The following OTUD7B variants were observed in gnomAD, a reference collection of about 807,000 sequenced individuals.
OTUD7B encodes the protein OTU deubiquitinase 7B, also known as OTU domain-containing protein 7B.
Under a neutral mutation model 82.2 loss-of-function variants are expected in OTUD7B, and 34 were observed. The ratio of observed to expected loss-of-function variants is 0.41; its 90% CI spans 0.31 to 0.55. OTUD7B has a LOEUF of 0.55. OTUD7B is among the 20% of genes least tolerant of loss of function. OTUD7B has a pLI of 0.20. For synonymous variants in OTUD7B, 398 were observed against 402.7 expected (o/e 0.99, Z 0.14); for missense variants, 944 against 1,062.1 (o/e 0.89, Z 1.55).
chr1:149,957,577 G>A (rs1648779722), intron 7 of OTUD7B, among the ~76,000 whole-genome samples: 4 of 152,216 alleles, frequency 2.6e-5, no homozygotes, highest in South Asian at 4.1e-4. Flanking sequence ...AGACAGGGAC[G>A]TTTAAGTCTG....
intron 7 of OTUD7B, among the ~76,000 whole-genome samples, chr1:149,950,791 T>TTTG (rs1390632355): frequency 1.2e-4 from 1 of 8,168 alleles, no homozygotes; most frequent in African/African-American, 2.1e-4. Flanking sequence ...TGTTTTTTGT[T>TTTG]TTTTTTTCTT....
At chr1:149,957,912 C>T (rs1056023767) in intron 7 of OTUD7B, among the ~76,000 whole-genome samples, 1 of 152,166 alleles carries the variant, frequency 6.6e-6, no homozygotes. Context: ...GGGAATGTCC[C>T]GATTTTCCAG....
chr1:149,941,677 T>C lies in OTUD7B; in HGVS notation c.*2180A>G, dbSNP rs1259250256. On this transcript the variant is annotated 3_prime_UTR_variant, in exon 12 of 12. Coordinates refer to ENST00000581312, the MANE Select transcript of OTUD7B (RefSeq NM_020205.4). ...TAAGAAGGATTCATCCCCATACTTA[T>C]TCAATTCAGCCTCACTTCCCTCCTC... 6.6e-6 allele frequency: 1 copy of C among 152,258 alleles called. No individual in the cohort carries two copies. The highest frequency in any genetic ancestry group is 1.5e-5 in the Non-Finnish European group (1 of 68,050). 9.4% of individuals were successfully genotyped at this position (152,258 alleles called of 1,614,324 possible).
At chr1:150,052,826 A>AAC in the OTUD7B span, among the ~76,000 whole-genome samples, 3 of 150,602 alleles carry the variant, frequency 2.0e-5, no homozygotes, top group South Asian at 2.1e-4. Flanking sequence ...CAAAAAACAA[A>AAC]AAAAAAAACA....
intron 1 of OTUD7B, among the ~76,000 whole-genome samples, chr1:150,006,152 T>G (rs1391182689): frequency 7.9e-5 from 12 of 152,194 alleles, no homozygotes; most frequent in African/African-American, 2.9e-4. Flanking sequence ...AAAATAAATC[T>G]AGTTTAAAAA....
rs782490413 is a variant in OTUD7B at position 149,944,938 on chromosome 1, C to G, written c.1451G>C (p.Arg484Pro). 1 of 1,614,164 alleles carries G rather than the reference C, an allele frequency of 6.2e-7. No homozygotes were observed. Among genetic ancestry groups the G allele is most frequent in the Admixed American group, 1.7e-5 (1 of 60,020 alleles). The change falls in exon 12 of 12, where the codon CGG becomes CCG. Residue 484 changes from arginine (R) to proline (P), a missense_variant. This residue lies in a region of OTUD7B where 530 missense variants were observed against 625.6 expected (regional missense o/e 0.85). Coordinates refer to ENST00000581312, the MANE Select transcript of OTUD7B (RefSeq NM_020205.4). ...SSSTSNEGGR[R>P]KEKSKRDREK... ...CCGATCTCGCTTTGACTTCTCCTTC[C>G]GCCGGCCGCCCTCGTTGCTGGTGGA...
At chr1:150,039,611 C>T in the OTUD7B span, among the ~76,000 whole-genome samples, 2 of 152,036 alleles carry the variant, frequency 1.3e-5, no homozygotes, top group African/African-American at 4.8e-5. Flanking sequence ...CTCCTGACCT[C>T]GTGATCGCCT....
chr1:149,945,197 GA>G, intron 11 of OTUD7B, 132 bp from the exon 12 acceptor site: 2 of 1,224,962 alleles, frequency 1.6e-6, no homozygotes, highest in East Asian at 2.5e-5. Context: ...TAGCCAGGTA[GA>G]AAAGGATGGA....
At chr1:149,978,994 A>G (rs1220201995) in intron 1 of OTUD7B, among the ~76,000 whole-genome samples, 3 of 146,584 alleles carry the variant, frequency 2.0e-5, no homozygotes, top group African/African-American at 7.7e-5. Flanking sequence ...CCAGCAGGTC[A>G]CTAACTTGCT....
At chr1:150,004,571 A>G (rs1553785678) in intron 1 of OTUD7B, among the ~76,000 whole-genome samples, 2 of 151,188 alleles carry the variant, frequency 1.3e-5, no homozygotes, top group Non-Finnish European at 2.9e-5. Flanking sequence ...TCTCAAAAAA[A>G]TAAATAAATA....
intron 1 of OTUD7B, among the ~76,000 whole-genome samples, chr1:149,981,454 C>T (rs1311039778): frequency 6.6e-6 from 1 of 152,130 alleles, no homozygotes; most frequent in African/African-American, 2.4e-5. Flanking sequence ...AGCCTCACAC[C>T]CCAACTATAA....
chr1:149,949,195 A>C, intron 9 of OTUD7B, 112 bp from the exon 10 acceptor site: 1 of 672,400 alleles, frequency 1.5e-6, no homozygotes, highest in Non-Finnish European at 2.6e-6. Context: ...GTCACTTCTC[A>C]ATTCTTACAC....
chr1:149,949,994 G>A, intron 8 of OTUD7B, 100 bp downstream of exon 8: 1 of 1,500,090 alleles, frequency 6.7e-7, no homozygotes, highest in Non-Finnish European at 9.0e-7. Context: ...TTTCCCCAAG[G>A]GTCTATATAT....
rs192159357 is a variant in OTUD7B at position 149,949,851 on chromosome 1, C to T, written c.974-73G>A. ...TGGACAATCCCTACATCCCACTCTG[C>T]CAACTGAGTCCCTCCCTGCTTTCAT... is the stretch of plus-strand genomic sequence containing the variant. On this transcript the variant is annotated intron_variant, in intron 8 of 11. Transcript: ENST00000581312. 687 of 1,473,902 alleles carry T rather than the reference C, an allele frequency of 4.7e-4. 3 individuals carry two copies. In the African/African-American group the frequency reaches 8.4e-3, roughly 18 times the overall value. The allele number at this position is 1,473,902 out of a possible 1,614,324, so 91.3% of individuals were successfully genotyped here. A position where few individuals can be genotyped will look rare whatever the true frequency, so the allele number is the denominator to read the frequency against.
chr1:149,941,769 A>C lies in OTUD7B; in HGVS notation c.*2088T>G, dbSNP rs925843910. On this transcript the variant is annotated 3_prime_UTR_variant, in exon 12 of 12. Transcript: ENST00000581312. Reference sequence around the variant, plus strand: ...TATCCAACATAAATTTTTTGCATTAATTTTTTTAAATACTGCATTTTTTAT... The same window carrying C: ...TATCCAACATAAATTTTTTGCATTACTTTTTTTAAATACTGCATTTTTTAT... 6.6e-6 allele frequency: 1 copy of C among 152,080 alleles called. No homozygotes were observed. The highest frequency in any genetic ancestry group is 1.5e-5 in the Non-Finnish European group (1 of 68,006). 9.4% of individuals were successfully genotyped at this position (152,080 alleles called of 1,614,324 possible). A position where few individuals can be genotyped will look rare whatever the true frequency, so the allele number is the denominator to read the frequency against.
chr1:149,996,542 T>C (rs1651937786), intron 1 of OTUD7B, among the ~76,000 whole-genome samples: 1 of 152,250 alleles, frequency 6.6e-6, no homozygotes, highest in South Asian at 2.1e-4. Context: ...TCTTGATTTG[T>C]GACCTTGGGT....
At chr1:150,014,376 G>T (rs1653207304), upstream of OTUD7B, among the ~76,000 whole-genome samples, 1 of 128,504 alleles carries the variant, frequency 7.8e-6, no homozygotes, top group Non-Finnish European at 1.6e-5. Context: ...TCCAGCCTGG[G>T]TGACAGAGAG....
In OTUD7B at chr1:149,944,028, T is replaced by C. The variant is rs1553771123; in HGVS notation, c.2361A>G (p.Gly787=). ...NGYREPPEPD[G]WAGGLRGLPP... is the part of the protein sequence containing the mutation. ...GAAGGCCCCGGAGACCTCCAGCCCA[T>C]CCATCTGGCTCAGGGGGCTCTCTGT... The change falls in exon 12 of 12, where the codon GGA becomes GGG. Residue 787 remains glycine, a synonymous_variant. Transcript: ENST00000581312. 1.9e-6 allele frequency: 3 copies of C among 1,614,062 alleles called. No homozygotes were observed. In the South Asian group the frequency reaches 3.3e-5, roughly 18 times the overall value.
At chr1:150,013,386 G>A (rs1653156121), upstream of OTUD7B, among the ~76,000 whole-genome samples, 2 of 152,092 alleles carry the variant, frequency 1.3e-5, no homozygotes, top group Admixed American at 1.3e-4. Flanking sequence ...GCTAGAGTTG[G>A]GGAAAATGTT....
Sources: allele counts gnomAD v4.1 joint callset (sites outside exome capture counted in the v4.1 genomes callset), GRCh38; gene constraint gnomAD v4.1.1; regional missense constraint gnomAD v4.1.1; transcripts MANE v1.5; gene names NCBI Gene and HGNC (gene_info 2026-07-23, HGNC 2026-07-21).